FHOD3: variants seen among roughly 807,000 people sequenced by gnomAD.
FHOD3 encodes the protein formin homology 2 domain containing 3, also known as FH1/FH2 domain-containing protein 3.
Under a neutral mutation model 173.0 loss-of-function variants are expected in FHOD3, and 90 were observed. The observed-to-expected ratio is 0.52, with a 90% CI of 0.44 to 0.62. The LOEUF is 0.62. FHOD3 is among the 20% of genes least tolerant of loss of function. FHOD3 has a pLI of 0.00. For synonymous variants in FHOD3, 828 were observed against 823.0 expected (o/e 1.01, Z -0.10); for missense variants, 1,945 against 2,034.7 (o/e 0.96, Z 0.85).
intron 14 of FHOD3, among the ~76,000 whole-genome samples, chr18:36,659,826 C>T (rs532344664): frequency 6.6e-5 from 10 of 152,324 alleles, no homozygotes; most frequent in Non-Finnish European, 1.2e-4. Flanking sequence ...AACCTCTGCC[C>T]GCTTTTCTGC....
intron 3 of FHOD3, among the ~76,000 whole-genome samples, chr18:36,484,886 G>A (rs1440181276): frequency 6.6e-6 from 1 of 152,216 alleles, no homozygotes. Flanking sequence ...TGAAGGCACT[G>A]TCCCGGCTGG....
At chr18:36,601,606 C>A (rs2031390018) in intron 7 of FHOD3, among the ~76,000 whole-genome samples, 1 of 152,184 alleles carries the variant, frequency 6.6e-6, no homozygotes, top group African/African-American at 2.4e-5. Context: ...AGGCCAAAAT[C>A]AGCTCTGACA....
rs748626456 is a variant in FHOD3, at chr18:36,641,684, G to A, written c.1197-7632G>A. Among the ~76,000 whole-genome samples, 9 of 152,234 alleles carry A rather than the reference G, an allele frequency of 5.9e-5. No homozygotes were observed. In the East Asian group the frequency reaches 1.2e-3, roughly 20 times the overall value. On this transcript the variant is annotated intron_variant, in intron 10 of 28. Coordinates refer to ENST00000590592, the MANE Select transcript of FHOD3 (RefSeq NM_001281740.3). The stretch of plus-strand genomic sequence containing the variant: ...CAATAAAATTTGTTAAGCAGGGCAC[G>A]GTGGCTCATGTCTATAATGCCAGCA...
At chr18:36,638,854 A>T (rs1051464678) in intron 10 of FHOD3, among the ~76,000 whole-genome samples, 1 of 152,154 alleles carries the variant, frequency 6.6e-6, no homozygotes, top group Admixed American at 6.5e-5. Context: ...AACAGCCTTG[A>T]GCTTGTCCTG....
At chr18:36,465,296 C>T (rs2052845818) in intron 3 of FHOD3, among the ~76,000 whole-genome samples, 1 of 152,186 alleles carries the variant, frequency 6.6e-6, no homozygotes. Context: ...CAATTGCACT[C>T]CAGCCTGGGT....
At chr18:36,719,209 A>G (rs540476581) in intron 19 of FHOD3, among the ~76,000 whole-genome samples, 18 of 152,368 alleles carry the variant, frequency 1.2e-4, no homozygotes, top group Non-Finnish European at 2.2e-4. Flanking sequence ...TCAAGCCAGC[A>G]TTCTGCAGCT....
At chr18:36,375,943 C>T (rs2047421354) in intron 3 of FHOD3, among the ~76,000 whole-genome samples, 1 of 152,232 alleles carries the variant, frequency 6.6e-6, no homozygotes. Context: ...CTTAATCTAG[C>T]TTCGATCTTT....
intron 24 of FHOD3, among the ~76,000 whole-genome samples, chr18:36,751,791 T>A (rs56239982): frequency 0.13 from 19,655 of 152,154 alleles, 1,399 homozygotes; most frequent in Admixed American, 0.16. Context: ...TTTATCCTTT[T>A]GTACTCTCTG....
rs750290090 is a variant in FHOD3 at position 36,769,464 on chromosome 18, C to T, written c.4786+38C>T. 14 of 1,599,384 alleles carry T rather than the reference C, an allele frequency of 8.8e-6. No homozygotes were observed. The South Asian group carries it at 1.2e-4, about 14-fold the overall frequency. On this transcript the variant is annotated intron_variant, in intron 28 of 28. Transcript: ENST00000590592. Reference sequence around the variant, plus strand: ...AAGGAGGGGCGAGCCTTCACCCCTACAGGGATCTGCCCTCCCATTCTACGT... The same window carrying T: ...AAGGAGGGGCGAGCCTTCACCCCTATAGGGATCTGCCCTCCCATTCTACGT...
chr18:36,467,644 C>T (rs527776932), intron 3 of FHOD3, among the ~76,000 whole-genome samples: 125 of 152,164 alleles, frequency 8.2e-4, no homozygotes, highest in Non-Finnish European at 1.6e-3. Flanking sequence ...TTTCTAACCT[C>T]ATTTGCTTGT....
intron 3 of FHOD3, among the ~76,000 whole-genome samples, chr18:36,490,089 C>T (rs2145751839): frequency 6.6e-6 from 1 of 152,314 alleles, no homozygotes; most frequent in Non-Finnish European, 1.5e-5. Context: ...CTCCGGGCAC[C>T]TGTACACAGA....
At chr18:36,744,957 C>T (rs2042079182) in intron 23 of FHOD3, among the ~76,000 whole-genome samples, 1 of 152,136 alleles carries the variant, frequency 6.6e-6, no homozygotes, top group Non-Finnish European at 1.5e-5. Context: ...GGCACAGCAA[C>T]CAGGCTAGTG....
At chr18:36,605,696 G>T (rs1170239390) in intron 8 of FHOD3, among the ~76,000 whole-genome samples, 2 of 152,102 alleles carry the variant, frequency 1.3e-5, no homozygotes, top group Non-Finnish European at 2.9e-5. Flanking sequence ...AGTCATGCCG[G>T]GTTTGTTTTG....
intron 3 of FHOD3, among the ~76,000 whole-genome samples, chr18:36,390,249 G>C (rs1459657644): frequency 1.3e-5 from 2 of 152,194 alleles, no homozygotes; most frequent in Admixed American, 6.5e-5. Context: ...CAGGTGACAG[G>C]CAGCTGCTCC....
chr18:36,441,181 G>T (rs1242423400), intron 3 of FHOD3, among the ~76,000 whole-genome samples: 1 of 152,004 alleles, frequency 6.6e-6, no homozygotes, highest in Non-Finnish European at 1.5e-5. Context: ...AGTAAAAATG[G>T]GTGAGGTGAG....
intron 3 of FHOD3, among the ~76,000 whole-genome samples, chr18:36,449,233 G>A (rs2051680318): frequency 6.6e-6 from 1 of 151,768 alleles, no homozygotes; most frequent in Non-Finnish European, 1.5e-5. Flanking sequence ...GTGTTTAAAG[G>A]CAATTCTGGT....
intron 3 of FHOD3, among the ~76,000 whole-genome samples, chr18:36,446,279 A>G (rs949668771): frequency 2.6e-5 from 4 of 152,252 alleles, no homozygotes; most frequent in African/African-American, 9.6e-5. Context: ...GGCTCTCAGA[A>G]TGACAGGTCA....
intron 9 of FHOD3, among the ~76,000 whole-genome samples, chr18:36,614,840 A>ATTTTT (rs751719654): frequency 2.3e-5 from 2 of 86,196 alleles, no homozygotes; most frequent in African/African-American, 4.8e-5. Context: ...TTTTTAATTG[A>ATTTTT]TTTTTTTTTT....
chr18:36,420,973 C>T (rs765224287), intron 3 of FHOD3, among the ~76,000 whole-genome samples: 10 of 152,190 alleles, frequency 6.6e-5, no homozygotes, highest in African/African-American at 1.7e-4. Context: ...CACCCCCACC[C>T]TCTCTTACCC....
Sources: allele counts gnomAD v4.1 joint callset (sites outside exome capture counted in the v4.1 genomes callset), GRCh38; gene constraint gnomAD v4.1.1; transcripts MANE v1.5; gene names NCBI Gene and HGNC (gene_info 2026-07-23, HGNC 2026-07-21).